The following CCSER1 variants were observed in gnomAD, a reference collection of about 807,000 sequenced individuals.
CCSER1 encodes coiled-coil serine rich protein 1, also known as serine-rich coiled-coil domain-containing protein 1.
Under a neutral mutation model 82.0 loss-of-function variants are expected in CCSER1, and 41 were observed. That is an observed-to-expected ratio of 0.50 (90% confidence interval 0.39 to 0.65). The LOEUF (loss-of-function observed/expected upper bound fraction) is 0.65, where lower values mean the gene tolerates loss of function less well. CCSER1 is among the 30% of genes least tolerant of loss of function. The pLI, the probability that CCSER1 is intolerant of heterozygous loss-of-function variation, is 0.00. For synonymous variants in CCSER1, 414 were observed against 383.9 expected (o/e 1.08, Z -0.92); for missense variants, 1,119 against 1,064.2 (o/e 1.05, Z -0.72).
intron 6 of CCSER1, among the ~76,000 whole-genome samples, chr4:90,691,756 A>G (rs915349983): frequency 1.3e-5 from 2 of 151,606 alleles, no homozygotes; most frequent in Non-Finnish European, 2.9e-5. Flanking sequence ...TATATAGGTA[A>G]ATTGCATGTC....
At chr4:90,577,951 T>C (rs1022363163) in intron 5 of CCSER1, among the ~76,000 whole-genome samples, 7 of 152,250 alleles carry the variant, frequency 4.6e-5, no homozygotes, top group Non-Finnish European at 8.8e-5. Context: ...TTGTGAAGCT[T>C]CATATTTTCA....
chr4:90,413,832 C>A (rs1755293307), intron 4 of CCSER1, among the ~76,000 whole-genome samples: 8 of 147,982 alleles, frequency 5.4e-5, no homozygotes, highest in Admixed American at 4.7e-4. Flanking sequence ...GCCTGTAGTT[C>A]CAGCTACTCG....
chr4:90,701,143 C>T (rs538975630), intron 6 of CCSER1, among the ~76,000 whole-genome samples: 173 of 152,298 alleles, frequency 1.1e-3, no homozygotes, highest in African/African-American at 3.9e-3. Flanking sequence ...TTTAATCCAT[C>T]TTGAATTAAT....
At chr4:90,352,180 C>T (rs940117947) in intron 3 of CCSER1, among the ~76,000 whole-genome samples, 59 of 151,968 alleles carry the variant, frequency 3.9e-4, no homozygotes, top group African/African-American at 1.0e-3. Context: ...AAAAATTAGC[C>T]GGGCGTGGTG....
At chr4:90,285,954 T>C (rs1729814932) in intron 1 of CCSER1, among the ~76,000 whole-genome samples, 1 of 152,112 alleles carries the variant, frequency 6.6e-6, no homozygotes, top group Non-Finnish European at 1.5e-5. Flanking sequence ...GTTGAGTATA[T>C]TGAAGCATCC....
chr4:90,387,693 G>A lies in CCSER1; in HGVS notation c.1510-12343G>A, dbSNP rs555785044. ...CTTATGAGAAACTCTGGACATTATA[G>A]CTCAGGCAAGCTTCCCTTTTTGGCA... On this transcript the variant is annotated intron_variant, in intron 3 of 10. Coordinates refer to ENST00000509176, the MANE Select transcript of CCSER1 (RefSeq NM_001145065.2). 2.8e-4 allele frequency among the ~76,000 whole-genome samples: 42 copies of A among 152,264 alleles called. 1 individual carries two copies. The highest frequency in any genetic ancestry group is 9.4e-4 in the African/African-American group (39 of 41,534).
chr4:90,658,432 T>C (rs1730129277), intron 6 of CCSER1, among the ~76,000 whole-genome samples: 1 of 152,164 alleles, frequency 6.6e-6, no homozygotes, highest in Non-Finnish European at 1.5e-5. Flanking sequence ...CCCCAGGAAC[T>C]CCTCTCCCTG....
intron 4 of CCSER1, among the ~76,000 whole-genome samples, chr4:90,413,468 A>G (rs1015030059): frequency 3.9e-5 from 6 of 152,176 alleles, no homozygotes; most frequent in Non-Finnish European, 7.4e-5. Context: ...TTCATATGGA[A>G]CCATAAAAGA....
chr4:90,494,548 G>T (rs1768668699), intron 5 of CCSER1, among the ~76,000 whole-genome samples: 1 of 152,066 alleles, frequency 6.6e-6, no homozygotes, highest in Non-Finnish European at 1.5e-5. Flanking sequence ...TCTATCTCAT[G>T]AGAGTTTGGT....
chr4:90,869,801 G>A (rs1766216474), intron 8 of CCSER1, among the ~76,000 whole-genome samples: 1 of 151,720 alleles, frequency 6.6e-6, no homozygotes, highest in Non-Finnish European at 1.5e-5. Flanking sequence ...AGCTAGTATG[G>A]ACATTTTAAC....
At chr4:91,545,327 C>T (rs760661649) in intron 10 of CCSER1, among the ~76,000 whole-genome samples, 2 of 151,978 alleles carry the variant, frequency 1.3e-5, no homozygotes, top group Non-Finnish European at 2.9e-5. Context: ...TGTGCTGCAC[C>T]CACTGTCCGA....
At chr4:91,209,328 G>A (rs913488065) in intron 10 of CCSER1, among the ~76,000 whole-genome samples, 1 of 151,868 alleles carries the variant, frequency 6.6e-6, no homozygotes, top group Non-Finnish European at 1.5e-5. Flanking sequence ...TTTCTATTCA[G>A]TATGATGTTG....
intron 6 of CCSER1, 144 bp downstream of exon 6, chr4:90,628,376 T>C (rs947490697): frequency 3.2e-6 from 2 of 631,400 alleles, no homozygotes; most frequent in African/African-American, 3.7e-5. Context: ...GCTATTTTCA[T>C]ATGTCAAATG....
chr4:90,416,304 C>T (rs1386803483), intron 4 of CCSER1, among the ~76,000 whole-genome samples: 1 of 152,122 alleles, frequency 6.6e-6, no homozygotes, highest in Non-Finnish European at 1.5e-5. Flanking sequence ...ACCCTCTCAA[C>T]TTAATCCTCA....
chr4:90,863,602 A>G (rs1176493812), intron 8 of CCSER1, among the ~76,000 whole-genome samples: 1 of 151,932 alleles, frequency 6.6e-6, no homozygotes, highest in Non-Finnish European at 1.5e-5. Flanking sequence ...ACAATGTAGT[A>G]AAATTGTAAT....
Position 90,832,302 on chromosome 4 carries a change from A to G in CCSER1, c.2094+16457A>G, listed in dbSNP as rs532919351. Among the ~76,000 whole-genome samples, 4 of 152,266 alleles carry G rather than the reference A, an allele frequency of 2.6e-5. No individual in the cohort carries two copies. In the South Asian group the frequency reaches 8.3e-4, roughly 32 times the overall value. ...CAGTTGTATATATTCAACTACAGCT[A>G]TAGGTGTAGATACAGATAGAACATG... On this transcript the variant is annotated intron_variant, in intron 8 of 10. Transcript: ENST00000509176.
chr4:91,056,024 A>G (rs1743413659), intron 9 of CCSER1, among the ~76,000 whole-genome samples: 1 of 151,354 alleles, frequency 6.6e-6, no homozygotes. Context: ...TCAGCTCCAG[A>G]TTTTCTCTTT....
chr4:91,443,582 C>T (rs1369914700), intron 10 of CCSER1, among the ~76,000 whole-genome samples: 1 of 150,842 alleles, frequency 6.6e-6, no homozygotes, highest in African/African-American at 2.4e-5. Context: ...TGCAGCACAC[C>T]AGCATGGCAC....
chr4:91,265,755 CTA>C (rs1364675284), intron 10 of CCSER1, among the ~76,000 whole-genome samples: 2 of 152,126 alleles, frequency 1.3e-5, no homozygotes, highest in Non-Finnish European at 2.9e-5. Flanking sequence ...ATGAGCAAAA[CTA>C]TGTTGAATAC....
Sources: allele counts gnomAD v4.1 joint callset (sites outside exome capture counted in the v4.1 genomes callset), GRCh38; gene constraint gnomAD v4.1.1; transcripts MANE v1.5; gene names NCBI Gene and HGNC (gene_info 2026-07-23, HGNC 2026-07-21).